The following ANK3 variants were observed in gnomAD, a reference collection of about 807,000 sequenced individuals.
ANK3 encodes the protein ankyrin 3.
ANK3 carries 57 observed loss-of-function variants against 370.9 expected under a neutral mutation model. The observed-to-expected ratio is 0.15, with a 90% CI of 0.12 to 0.19. ANK3 has a LOEUF of 0.19. ANK3 is among the 10% of genes least tolerant of loss of function. The pLI is 1.00. For missense variants in ANK3, 4,439 were observed against 5,302.1 expected, an observed-to-expected ratio of 0.84 and a Z score of 5.06; for synonymous variants, 1,929 against 1,946.3, an observed-to-expected ratio of 0.99 and a Z score of 0.23.
chr10:60,334,893 G>C (rs1000066923), intron 1 of ANK3, among the ~76,000 whole-genome samples: 3 of 152,052 alleles, frequency 2.0e-5, no homozygotes, highest in Admixed American at 2.0e-4. Flanking sequence ...TGCCTACTGG[G>C]TGTTAACGTA....
In ANK3 at chr10:60,352,981, T is replaced by G. The variant is rs181210850; in HGVS notation, c.114+36444A>C. ...CAAATGAAAAATAGGAGGTGTGAAT[T>G]TTTTGTCTTTTTCTTTTGTTGAGAC... On this transcript the variant is annotated intron_variant, in intron 1 of 43. Coordinates refer to ENST00000280772, the MANE Select transcript of ANK3 (RefSeq NM_020987.5). 8.9e-4 allele frequency among the ~76,000 whole-genome samples: 135 copies of G among 151,600 alleles called. 1 individual carries two copies. The highest frequency in any genetic ancestry group is 3.1e-3 in the African/African-American group (129 of 41,310).
chr10:60,493,125 G>A (rs999537642), intron 2 of ANK3, among the ~76,000 whole-genome samples: 6 of 151,056 alleles, frequency 4.0e-5, no homozygotes, highest in African/African-American at 1.5e-4. Flanking sequence ...TGAATTGTAA[G>A]TTTCAAAGAT....
intron 7 of ANK3, among the ~76,000 whole-genome samples, chr10:60,237,605 T>C (rs1298220321): frequency 1.3e-5 from 2 of 151,962 alleles, no homozygotes; most frequent in African/African-American, 4.8e-5. Context: ...TTCTCTTTTT[T>C]TTAAATTTAA....
intron 7 of ANK3, among the ~76,000 whole-genome samples, chr10:60,253,782 AAG>A (rs1475589909): frequency 6.6e-6 from 1 of 152,188 alleles, no homozygotes; most frequent in East Asian, 1.9e-4. Context: ...GAAAGAAAAG[AAG>A]TCTTTGTCTT....
chr10:60,561,145 G>A (rs978279416), intron 2 of ANK3, among the ~76,000 whole-genome samples: 2 of 152,136 alleles, frequency 1.3e-5, no homozygotes, highest in African/African-American at 4.8e-5. Context: ...AGGAATTAGC[G>A]TGGTTTGCTA....
chr10:60,688,165 G>A (rs527901081), intron 1 of ANK3, among the ~76,000 whole-genome samples: 2 of 152,176 alleles, frequency 1.3e-5, no homozygotes, highest in South Asian at 4.2e-4. Context: ...TGCCTGCCAG[G>A]TTCAAGTGAT....
At chr10:60,139,650 C>T (rs2094484827) in intron 23 of ANK3, 2 of 153,074 alleles carry the variant, frequency 1.3e-5, no homozygotes, top group South Asian at 4.1e-4. Flanking sequence ...TTTTGAAATG[C>T]TTCTAAACCT....
chr10:60,636,822 T>C (rs934344907), intron 1 of ANK3, among the ~76,000 whole-genome samples: 4 of 152,212 alleles, frequency 2.6e-5, no homozygotes, highest in African/African-American at 7.2e-5. Flanking sequence ...GAGCCCATGA[T>C]ATGAAAAGAT....
rs2082748890 is a variant in ANK3, at chr10:60,071,822, G to A, written c.9059C>T (p.Ser3020Leu). The A allele has an allele frequency of 1.2e-6, 2 of 1,612,372 alleles. No individual in the cohort carries two copies. The highest frequency in any genetic ancestry group is 1.1e-5 in the South Asian group (1 of 90,794). Residue 3020 changes from serine to leucine, a missense_variant, in exon 37 of 44, where the codon TCA becomes TTA. Transcript: ENST00000280772. ...NSIEDEKVTY[S>L]EISKVSKHQS... The stretch of plus-strand genomic sequence containing the variant: ...GTGTTTGGAAACTTTGCTGATTTCT[G>A]AATAGGTAACTTTTTCATCTTCTAT...
intron 1 of ANK3, among the ~76,000 whole-genome samples, chr10:60,386,245 A>C (rs117269095): frequency 0.024 from 3,615 of 152,214 alleles, 62 homozygotes; most frequent in Non-Finnish European, 0.036. Context: ...GCCCGTGAGC[A>C]GAGAAGTGTG....
At chr10:60,245,649 C>T (rs1445501552) in intron 7 of ANK3, among the ~76,000 whole-genome samples, 6 of 152,188 alleles carry the variant, frequency 3.9e-5, no homozygotes, top group Non-Finnish European at 7.3e-5. Flanking sequence ...TTTCAAGGTT[C>T]ATCCATACTG....
chr10:60,692,296 A>C (rs2079365905), intron 1 of ANK3, among the ~76,000 whole-genome samples: 1 of 152,206 alleles, frequency 6.6e-6, no homozygotes. Context: ...CAGCTGCTGT[A>C]CATCTTGTTG....
chr10:60,624,304 G>C (rs538158342), intron 1 of ANK3, among the ~76,000 whole-genome samples: 1 of 152,232 alleles, frequency 6.6e-6, no homozygotes, highest in Non-Finnish European at 1.5e-5. Flanking sequence ...AGTCGATAAA[G>C]TACAAAGTAT....
chr10:60,074,141 G>T lies in ANK3; in HGVS notation c.6740C>A (p.Thr2247Asn). ...GMRVKEETHI[T>N]TTTRMVYHSP... is the part of the protein sequence containing the mutation. ...ATGATAAACCATTCTGGTGGTTGTG[G>T]TTATGTGAGTCTCTTCTTTAACACG... Residue 2247 changes from threonine to asparagine, a missense_variant, in exon 37 of 44, where the codon ACC becomes AAC. Coordinates refer to ENST00000280772, the MANE Select transcript of ANK3 (RefSeq NM_020987.5). 6.2e-7 allele frequency: 1 copy of T among 1,613,874 alleles called. No individual in the cohort carries two copies. Among genetic ancestry groups the T allele is most frequent in the African/African-American group, 1.3e-5 (1 of 74,982 alleles).
chr10:60,305,001 A>T (rs1206559016), intron 1 of ANK3, among the ~76,000 whole-genome samples: 1 of 152,194 alleles, frequency 6.6e-6, no homozygotes, highest in African/African-American at 2.4e-5. Context: ...GAAAATAGCA[A>T]ATCTGATCTG....
chr10:60,707,113 T>C (rs1317478049), intron 1 of ANK3, among the ~76,000 whole-genome samples: 1 of 152,200 alleles, frequency 6.6e-6, no homozygotes, highest in Non-Finnish European at 1.5e-5. Flanking sequence ...CAAAAAATAA[T>C]TTTTAAAAAA....
chr10:60,281,208 G>A (rs2098157440), intron 1 of ANK3, among the ~76,000 whole-genome samples: 2 of 152,308 alleles, frequency 1.3e-5, no homozygotes, highest in South Asian at 2.1e-4. Flanking sequence ...ACAGTAATGA[G>A]CCTCTCTCAA....
intron 2 of ANK3, among the ~76,000 whole-genome samples, chr10:60,603,814 T>C (rs2078096340): frequency 6.6e-6 from 1 of 152,118 alleles, no homozygotes; most frequent in Non-Finnish European, 1.5e-5. Flanking sequence ...GGACAAGAGC[T>C]GTCTCATTTT....
intron 2 of ANK3, among the ~76,000 whole-genome samples, chr10:60,551,864 C>G (rs1253101879): frequency 6.6e-6 from 1 of 152,194 alleles, no homozygotes; most frequent in African/African-American, 2.4e-5. Context: ...AGTGACTTGA[C>G]TTCAAGTCAT....
Sources: allele counts gnomAD v4.1 joint callset (sites outside exome capture counted in the v4.1 genomes callset), GRCh38; gene constraint gnomAD v4.1.1; transcripts MANE v1.5; gene names NCBI Gene and HGNC (gene_info 2026-07-23, HGNC 2026-07-21).